Variants in FAM81A observed in about 807,000 individuals in gnomAD.
FAM81A encodes protein FAM81A.
In FAM81A, 19 loss-of-function variants were observed where a neutral mutation model predicts 46.7. That is an observed-to-expected ratio of 0.41 (90% confidence interval 0.28 to 0.60). FAM81A has a LOEUF of 0.60. Ranked by LOEUF, FAM81A falls within the 20% of genes least tolerant of loss-of-function variation. The pLI, the probability that FAM81A is intolerant of heterozygous loss-of-function variation, is 0.34. For missense variants in FAM81A, 377 were observed against 453.5 expected (o/e 0.83, Z 1.53); for synonymous variants, 183 against 152.9 (o/e 1.20, Z -1.45).
At position 59,458,588 on chromosome 15, in the gene FAM81A, T is replaced by C; in HGVS notation, c.-39T>C. 6.2e-7 allele frequency: 1 copy of C among 1,613,918 alleles called. No homozygotes were observed. ...AAAAGAAAATGGCCCAACGGAGCAC[T>C]GTATTTCCTTCTCGTGTCACCAAGG... On this transcript the variant is annotated 5_prime_UTR_variant, in exon 2 of 9. Coordinates refer to ENST00000288228, the MANE Select transcript of FAM81A (RefSeq NM_152450.3).
chr15:59,428,212 A>G (rs545439390), intron 2 of FAM81A, among the ~76,000 whole-genome samples: 1 of 152,284 alleles, frequency 6.6e-6, no homozygotes, highest in African/African-American at 2.4e-5. Flanking sequence ...CTTGTGAGAA[A>G]TGTCTATTCA....
At position 59,464,829 on chromosome 15, in the gene FAM81A, T is replaced by C. The variant is rs535707269; in HGVS notation, c.294+4623T>C. The stretch of plus-strand genomic sequence containing the variant: ...AGCGTTTTTGTTTGATATAATCCAT[T>C]TGTTTATTTTTGCTTTTGTTGTCTG... On this transcript the variant is annotated intron_variant, in intron 3 of 8. Coordinates refer to ENST00000288228, the MANE Select transcript of FAM81A (RefSeq NM_152450.3). Among the ~76,000 whole-genome samples the C allele has an allele frequency of 7.2e-5, 11 of 152,260 alleles. No individual in the cohort carries two copies. In the South Asian group the frequency reaches 2.1e-3, roughly 29 times the overall value.
At chr15:59,446,298 A>C (rs1395281489) in intron 1 of FAM81A, 1 of 152,222 alleles carries the variant, frequency 6.6e-6, no homozygotes, top group African/African-American at 2.4e-5. Context: ...CTGTTTTTGC[A>C]AGGGTTCTCC....
At chr15:59,422,538 G>C (rs1171129828) in intron 2 of FAM81A, among the ~76,000 whole-genome samples, 3 of 152,088 alleles carry the variant, frequency 2.0e-5, no homozygotes, top group Admixed American at 2.0e-4. Flanking sequence ...GTGCAGTGGT[G>C]TGATCTCAGC....
chr15:59,474,989 A>G (rs998878524), intron 3 of FAM81A, among the ~76,000 whole-genome samples: 10 of 152,204 alleles, frequency 6.6e-5, no homozygotes, highest in African/African-American at 1.9e-4. Flanking sequence ...ATGAAACTAG[A>G]TAATTCTAGC....
At chr15:59,465,755 A>G (rs2081604871) in intron 3 of FAM81A, among the ~76,000 whole-genome samples, 1 of 151,938 alleles carries the variant, frequency 6.6e-6, no homozygotes, top group Non-Finnish European at 1.5e-5. Context: ...TGCAGGTTTG[A>G]TACATAGTTA....
chr15:59,399,715 T>C (rs1027403292), intron 1 of FAM81A, among the ~76,000 whole-genome samples: 5 of 152,136 alleles, frequency 3.3e-5, no homozygotes, highest in Non-Finnish European at 5.9e-5. Flanking sequence ...TCTCTCCCTA[T>C]GCGAGGCGCT....
At position 59,470,611 on chromosome 15, in the gene FAM81A, T is replaced by C. The variant is rs59668375; in HGVS notation, c.294+10405T>C. ...TTCCAGTTAGCCATTCATCTAATCT[T>C]TTTTCAAGATTTTTAGCTTCCTTGC... On this transcript the variant is annotated intron_variant, in intron 3 of 8. Transcript: ENST00000288228. 3.0e-4 allele frequency among the ~76,000 whole-genome samples: 46 copies of C among 152,328 alleles called. No homozygotes were observed. The East Asian group carries it at 8.9e-3, about 29-fold the overall frequency.
chr15:59,406,351 T>C (rs549164753), intron 2 of FAM81A, among the ~76,000 whole-genome samples: 2 of 152,298 alleles, frequency 1.3e-5, no homozygotes, highest in East Asian at 3.9e-4. Flanking sequence ...GATGAGGAGA[T>C]TGAGGCTGGG....
intron 1 of FAM81A, among the ~76,000 whole-genome samples, chr15:59,454,046 G>C (rs2081452564): frequency 6.6e-6 from 1 of 152,188 alleles, no homozygotes; most frequent in Non-Finnish European, 1.5e-5. Context: ...AAGTCCAAAG[G>C]CCTGAGGGTG....
At chr15:59,450,061 A>G (rs1416937719) in intron 1 of FAM81A, among the ~76,000 whole-genome samples, 1 of 148,946 alleles carries the variant, frequency 6.7e-6, no homozygotes, top group Non-Finnish European at 1.5e-5. Flanking sequence ...TAGCTGGGAC[A>G]ATAGGTGTGT....
At chr15:59,498,663 T>C (rs967295797) in intron 4 of FAM81A, among the ~76,000 whole-genome samples, 8 of 152,192 alleles carry the variant, frequency 5.3e-5, no homozygotes, top group African/African-American at 1.7e-4. Flanking sequence ...ATTTTTGTTT[T>C]TTCCTTTGGA....
chr15:59,510,250 C>T (rs2082191280), intron 6 of FAM81A, among the ~76,000 whole-genome samples: 1 of 151,796 alleles, frequency 6.6e-6, no homozygotes, highest in African/African-American at 2.4e-5. Context: ...CCTGTAATCC[C>T]AGCTACTCGG....
In FAM81A at chr15:59,458,629, GGAAAA is replaced by G; in HGVS notation, c.4_8del (p.Glu2TyrfsTer38). The G allele has an allele frequency of 6.2e-7, 1 of 1,613,862 alleles. No individual in the cohort carries two copies. Among genetic ancestry groups the G allele is most frequent in the Non-Finnish European group, 8.5e-7 (1 of 1,179,784 alleles). On this transcript the variant is annotated frameshift_variant, in exon 2 of 9. Transcript: ENST00000288228. LOFTEE classifies it high-confidence loss of function. ...GTCACCAAGGAAAGGTATAATATAT[GGAAAA>G]TATGCATCTAAGGTATACTTTTCCT...
At chr15:59,412,318 C>G (rs1181157231) in intron 2 of FAM81A, among the ~76,000 whole-genome samples, 2 of 152,140 alleles carry the variant, frequency 1.3e-5, no homozygotes, top group East Asian at 3.8e-4. Flanking sequence ...CTTGCTGAAA[C>G]AGAAAAGACT....
intron 3 of FAM81A, among the ~76,000 whole-genome samples, chr15:59,491,538 T>A (rs961333606): frequency 1.3e-5 from 2 of 152,208 alleles, no homozygotes; most frequent in Admixed American, 1.3e-4. Context: ...AATAATAATT[T>A]AATTGTACAT....
chr15:59,407,209 T>A (rs1200455919), intron 2 of FAM81A: 1 of 154,042 alleles, frequency 6.5e-6, no homozygotes, highest in Non-Finnish European at 1.5e-5. Flanking sequence ...TTCCCCTTGA[T>A]AATGCAGTCA....
chr15:59,459,318 AT>A (rs1413182806), intron 2 of FAM81A, among the ~76,000 whole-genome samples: 1 of 152,156 alleles, frequency 6.6e-6, no homozygotes, highest in African/African-American at 2.4e-5. Flanking sequence ...TTTTAAATGA[AT>A]CGTTAACATT....
chr15:59,518,906 CAT>C lies in FAM81A; in HGVS notation c.982+2069_982+2070del, dbSNP rs372348908. Among the ~76,000 whole-genome samples, 640 of 149,638 alleles carry C rather than the reference CAT, an allele frequency of 4.3e-3. 1 individual carries two copies. Among genetic ancestry groups the C allele is most frequent in the African/African-American group, 0.015 (594 of 40,686 alleles). On this transcript the variant is annotated intron_variant, in intron 8 of 8. Coordinates refer to ENST00000288228, the MANE Select transcript of FAM81A (RefSeq NM_152450.3). ...TAGTTACTGTATTCAAGCAGGTTAACATATGTATCATCTCACAGGTATTTGTG... is the reference window on the plus strand; with the variant it reads ...TAGTTACTGTATTCAAGCAGGTTAACATGTATCATCTCACAGGTATTTGTG...
Sources: gnomAD v4.1 joint callset for allele counts (sites outside exome capture counted in the v4.1 genomes callset) on GRCh38, gnomAD v4.1.1 for gene constraint, MANE v1.5 for transcripts, NCBI Gene and HGNC (gene_info 2026-07-23, HGNC 2026-07-21) for gene names.